The following ADAM10 variants were observed in gnomAD, a reference collection of about 807,000 sequenced individuals.
ADAM10 encodes disintegrin and metalloproteinase domain-containing protein 10.
Under a neutral mutation model 90.1 loss-of-function variants are expected in ADAM10, and 17 were observed. The observed-to-expected ratio is 0.19, with a 90% CI of 0.13 to 0.28. The LOEUF (loss-of-function observed/expected upper bound fraction) is 0.28, where lower values mean the gene tolerates loss of function less well. Among genes scored for constraint, ADAM10 ranks in the 10% least tolerant of loss-of-function variants. ADAM10 has a pLI of 1.00. For missense variants in ADAM10, 610 were observed against 914.3 expected (o/e 0.67, Z 4.29); for synonymous variants, 310 against 298.6 (o/e 1.04, Z -0.40).
chr15:58,693,035 G>A (rs775717435), intron 2 of ADAM10: 12 of 766,286 alleles, frequency 1.6e-5, no homozygotes, highest in South Asian at 2.7e-5. Context: ...CTCTCATAGC[G>A]AATCTTGTCT....
intron 5 of ADAM10, among the ~76,000 whole-genome samples, chr15:58,651,159 G>T (rs1896677032): frequency 6.6e-6 from 1 of 151,894 alleles, no homozygotes; most frequent in Non-Finnish European, 1.5e-5. Context: ...GGGTACATAA[G>T]ATATATAATA....
rs1895988654 is a variant in ADAM10 at position 58,627,711 on chromosome 15, T to C, written c.1349A>G (p.Asn450Ser). ...GAAAATATACATACCAACAAAACAG[T>C]TGTTTCTCTTCTTCTCAAGAACTTG... ...ISQVLEKKRNNCFVESGQPIC... is the reference protein window; with the variant it reads ...ISQVLEKKRNSCFVESGQPIC... The change falls in exon 10 of 16, where the codon AAC becomes AGC. Residue 450 changes from asparagine to serine, a missense_variant. By Grantham distance (46) the Asn-to-Ser change is conservative (BLOSUM62 1). Transcript: ENST00000260408. The C allele has an allele frequency of 1.9e-6, 3 of 1,612,522 alleles. No homozygotes were observed. Among genetic ancestry groups the C allele is most frequent in the Middle Eastern group, 1.7e-4 (1 of 6,052 alleles).
intron 5 of ADAM10, among the ~76,000 whole-genome samples, chr15:58,655,878 C>A (rs1215438898): frequency 6.7e-6 from 1 of 149,074 alleles, no homozygotes; most frequent in Non-Finnish European, 1.5e-5. Flanking sequence ...TCCTGAGTAG[C>A]TGGGATTACA....
rs569945283 is a variant in ADAM10, at chr15:58,680,612, G to T, written c.326-1330C>A. Among the ~76,000 whole-genome samples, 13 of 152,242 alleles carry T rather than the reference G, an allele frequency of 8.5e-5. No individual in the cohort carries two copies. The South Asian group carries it at 2.3e-3, about 27-fold the overall frequency. On this transcript the variant is annotated intron_variant, in intron 3 of 15. Transcript: ENST00000260408. Reference sequence around the variant, plus strand: ...TTCTTAATATAATCACAACGAAAAGGTGAGCACCAAAATCAAATGACATAA... The same window carrying T: ...TTCTTAATATAATCACAACGAAAAGTTGAGCACCAAAATCAAATGACATAA...
intron 2 of ADAM10, among the ~76,000 whole-genome samples, chr15:58,695,681 A>T (rs1677445026): frequency 6.8e-6 from 1 of 147,638 alleles, no homozygotes; most frequent in Non-Finnish European, 1.5e-5. Context: ...AGACTTGTCT[A>T]AAAAAAAAAG....
intron 2 of ADAM10, among the ~76,000 whole-genome samples, chr15:58,702,016 G>A (rs1422842548): frequency 6.6e-6 from 1 of 152,122 alleles, no homozygotes; most frequent in East Asian, 1.9e-4. Context: ...TGAGGCAGAA[G>A]AATCGCTTGA....
intron 3 of ADAM10, among the ~76,000 whole-genome samples, chr15:58,680,961 G>T (rs1294732189): frequency 6.6e-6 from 1 of 152,034 alleles, no homozygotes; most frequent in African/African-American, 2.4e-5. Flanking sequence ...GAAACTACAG[G>T]TGTGCCACCA....
At chr15:58,680,347 T>C (rs1265647317) in intron 3 of ADAM10, among the ~76,000 whole-genome samples, 1 of 152,208 alleles carries the variant, frequency 6.6e-6, no homozygotes. Context: ...GGTCTGGAAC[T>C]CCTGGGCTCA....
At position 58,715,737 on chromosome 15, in the gene ADAM10, C is replaced by T. The variant is rs1268000020; in HGVS notation, c.206+1840G>A. Among the ~76,000 whole-genome samples the T allele has an allele frequency of 2.5e-4, 38 of 152,174 alleles. 2 individuals carry two copies. On this transcript the variant is annotated intron_variant, in intron 2 of 15. Coordinates refer to ENST00000260408, the MANE Select transcript of ADAM10 (RefSeq NM_001110.4). ...CACTCATGCAAACTCTCTCGCTTTC[C>T]CTGCTCTCTCTCACTCACTGACACA... is the stretch of plus-strand genomic sequence containing the variant.
At chr15:58,611,590 T>C (rs370302524) in intron 12 of ADAM10, 12 of 533,596 alleles carry the variant, frequency 2.2e-5, no homozygotes, top group Non-Finnish European at 3.6e-5. Context: ...TACAACTATG[T>C]TTCTCTAGAG....
chr15:58,597,196 T>C lies in ADAM10; in HGVS notation c.*351A>G, dbSNP rs1306448657. On this transcript the variant is annotated 3_prime_UTR_variant, in exon 16 of 16. Coordinates refer to ENST00000260408, the MANE Select transcript of ADAM10 (RefSeq NM_001110.4). ...TGAAAAAAATATATTTATTTCAATT[T>C]GTGGTAAAAGTTTATTGAGAGCCAA... 4.9e-6 allele frequency: 3 copies of C among 609,478 alleles called. No homozygotes were observed. The highest frequency in any genetic ancestry group is 6.2e-5 in the Admixed American group (2 of 32,014). The allele number at this position is 609,478 out of a possible 1,614,324, so 37.8% of individuals were successfully genotyped here.
At chr15:58,692,558 C>G (rs113233771) in intron 2 of ADAM10, 1 of 543,162 alleles carries the variant, frequency 1.8e-6, no homozygotes, top group South Asian at 1.4e-5. Context: ...TCCAAATAAA[C>G]GGCGATAAGA....
chr15:58,640,753 G>C, intron 8 of ADAM10, 24 bp downstream of exon 8: 1 of 1,606,938 alleles, frequency 6.2e-7, no homozygotes, highest in Admixed American at 1.7e-5. Flanking sequence ...AGTAAGTTAA[G>C]ACATATTTAA....
intron 7 of ADAM10, among the ~76,000 whole-genome samples, chr15:58,643,147 GA>G (rs1212277683): frequency 6.6e-6 from 1 of 151,722 alleles, no homozygotes; most frequent in Non-Finnish European, 1.5e-5. Context: ...AGAATATTCA[GA>G]AATCTTTTGA....
At chr15:58,662,121 G>A (rs1427280) in intron 5 of ADAM10, among the ~76,000 whole-genome samples, 25,509 of 152,066 alleles carry the variant, frequency 0.17, 2,511 homozygotes, top group East Asian at 0.44. Context: ...TTCTTTGAAT[G>A]CTGAACACTG....
chr15:58,721,193 A>C (rs1898840867), intron 1 of ADAM10, among the ~76,000 whole-genome samples: 1 of 152,214 alleles, frequency 6.6e-6, no homozygotes, highest in South Asian at 2.1e-4. Flanking sequence ...TCCCACACAC[A>C]AATTTTATAA....
intron 11 of ADAM10, among the ~76,000 whole-genome samples, chr15:58,617,327 G>A (rs570695276): frequency 4.6e-5 from 7 of 152,002 alleles, no homozygotes; most frequent in South Asian, 2.1e-4. Context: ...TGGGAAAACC[G>A]AATGATAATT....
At chr15:58,729,344 A>G (rs1403208464) in intron 1 of ADAM10, among the ~76,000 whole-genome samples, 1 of 152,236 alleles carries the variant, frequency 6.6e-6, no homozygotes, top group Admixed American at 6.5e-5. Flanking sequence ...TTCCGTATCT[A>G]GCATTTTACA....
intron 2 of ADAM10, among the ~76,000 whole-genome samples, chr15:58,693,877 A>G (rs1897898444): frequency 6.6e-6 from 1 of 152,178 alleles, no homozygotes; most frequent in Admixed American, 6.5e-5. Flanking sequence ...AATCAATAAT[A>G]AGACAACCAT....
Sources: allele counts gnomAD v4.1 joint callset (sites outside exome capture counted in the v4.1 genomes callset), GRCh38; gene constraint gnomAD v4.1.1; transcripts MANE v1.5; gene names NCBI Gene and HGNC (gene_info 2026-07-23, HGNC 2026-07-21).